ZKSCAN2: variants seen among roughly 807,000 people sequenced by gnomAD.
The protein encoded by ZKSCAN2 is zinc finger with KRAB and SCAN domains 2.
A neutral mutation model predicts 90.5 loss-of-function variants in ZKSCAN2; 38 were observed. The ratio of observed to expected loss-of-function variants is 0.42; its 90% confidence interval spans 0.32 to 0.55. ZKSCAN2 has a LOEUF of 0.55. Ranked by LOEUF, ZKSCAN2 falls within the 20% of genes least tolerant of loss-of-function variation. The pLI is 0.11. For synonymous variants in ZKSCAN2, 429 were observed against 421.6 expected (o/e 1.02, Z -0.22); for missense variants, 1,167 against 1,202.6 (o/e 0.97, Z 0.44).
chr16:25,253,094 T>TTTTTTAA, intron 2 of ZKSCAN2, 57 bp from the exon 3 acceptor site: 1 of 1,328,696 alleles, frequency 7.5e-7, no homozygotes, highest in Non-Finnish European at 1.1e-6. Context: ...TAATTCATGC[T>TTTTTTAA]GTCTCTCTTT....
In ZKSCAN2 at chr16:25,251,720, TTA is replaced by T. The variant is rs150941459; in HGVS notation, c.805+187_805+188del. On this transcript the variant is annotated intron_variant, in intron 4 of 6. Transcript: ENST00000328086. ...CCTCTCCAATGTTTTAATCACTAAATTATTATTATTATTTTTTTACTGGAAGG... is the reference window on the plus strand; with the variant it reads ...CCTCTCCAATGTTTTAATCACTAAATTTATTATTATTTTTTTACTGGAAGG... Among the ~76,000 whole-genome samples the T allele has an allele frequency of 9.0e-3, 1,366 of 152,266 alleles. 20 individuals are homozygous for T. Among genetic ancestry groups the T allele is most frequent in the African/African-American group, 0.032 (1,318 of 41,558 alleles).
At chr16:25,255,182 C>T (rs117714662) in intron 2 of ZKSCAN2, 24 bp downstream of exon 2, 21,380 of 1,583,504 alleles carry the variant, frequency 0.014, 213 homozygotes, top group Non-Finnish European at 0.016. Flanking sequence ...CTGCACTAGG[C>T]GTGCTCCGAG....
chr16:25,255,468 T>A, intron 1 of ZKSCAN2, 76 bp from the exon 2 acceptor site: 1 of 1,453,378 alleles, frequency 6.9e-7, no homozygotes, highest in African/African-American at 1.4e-5. Flanking sequence ...AGGAAAGACA[T>A]CAAAGAAGGA....
chr16:25,244,811 G>C (rs1962909776), intron 5 of ZKSCAN2, among the ~76,000 whole-genome samples: 1 of 152,164 alleles, frequency 6.6e-6, no homozygotes, highest in African/African-American at 2.4e-5. Flanking sequence ...GGATGTCATT[G>C]AATCCTCTAC....
At position 25,238,583 on chromosome 16, in the gene ZKSCAN2, C is replaced by T. The variant is rs542721556; in HGVS notation, c.*1233G>A. On this transcript the variant is annotated 3_prime_UTR_variant, in exon 7 of 7. Coordinates refer to ENST00000328086, the MANE Select transcript of ZKSCAN2 (RefSeq NM_001012981.5). ...ATTGAAGTTTTTATAAATGTTCCCACTTTTCACCCAGTGAGCTCTAGAGTT... is the reference window on the plus strand; with the variant it reads ...ATTGAAGTTTTTATAAATGTTCCCATTTTTCACCCAGTGAGCTCTAGAGTT... 6.6e-6 allele frequency: 1 copy of T among 152,188 alleles called. No individual in the cohort carries two copies. The highest frequency in any genetic ancestry group is 1.9e-4 in the East Asian group (1 of 5,204). 9.4% of individuals were successfully genotyped at this position (152,188 alleles called of 1,614,324 possible). A position where few individuals can be genotyped will look rare whatever the true frequency, so the allele number is the denominator to read the frequency against.
chr16:25,252,183 G>C, intron 3 of ZKSCAN2, 148 bp from the exon 4 acceptor site: 1 of 832,040 alleles, frequency 1.2e-6, no homozygotes, highest in South Asian at 1.9e-5. Flanking sequence ...AGAAGAGAAA[G>C]AATCATAAGA....
chr16:25,249,093 T>C (rs992697501), intron 4 of ZKSCAN2, among the ~76,000 whole-genome samples: 3 of 151,908 alleles, frequency 2.0e-5, no homozygotes, highest in Non-Finnish European at 4.4e-5. Flanking sequence ...GTCCAACTCA[T>C]AGAAGTAGAG....
Position 25,256,892 on chromosome 16 carries a change from C to T in ZKSCAN2, c.236G>A (p.Arg79His). The T allele has an allele frequency of 3.1e-6, 5 of 1,614,184 alleles. No individual in the cohort carries two copies. Among genetic ancestry groups the T allele is most frequent in the Non-Finnish European group, 4.2e-6 (5 of 1,180,034 alleles). The change falls in exon 1 of 7, where the codon CGT (arginine) becomes CAT (histidine). Residue 79 changes from arginine to histidine, a missense_variant. Arg to His is a conservative substitution (Grantham distance 29, BLOSUM62 0). Transcript: ENST00000328086. ...LCCRWLKPEM[R>H]SKEQILELLV... ...CAGCTCAAGTATTTGCTCCTTGGAA[C>T]GCATTTCTGGCTTCAGCCACCGGCA... is the stretch of plus-strand genomic sequence containing the variant.
At chr16:25,241,385 GT>G (rs1217191505) in intron 6 of ZKSCAN2, among the ~76,000 whole-genome samples, 14 of 151,920 alleles carry the variant, frequency 9.2e-5, no homozygotes, top group Non-Finnish European at 1.5e-4. Context: ...ACAGAGACAA[GT>G]TTTGGAATTA....
At chr16:25,251,733 T>A (rs1476184519) in intron 4 of ZKSCAN2, among the ~76,000 whole-genome samples, 176 bp downstream of exon 4, 1 of 152,132 alleles carries the variant, frequency 6.6e-6, no homozygotes, top group Non-Finnish European at 1.5e-5. Flanking sequence ...TTATTATTAT[T>A]TTTTTACTGG....
chr16:25,250,234 A>C (rs1256080963), intron 4 of ZKSCAN2, among the ~76,000 whole-genome samples: 1 of 152,088 alleles, frequency 6.6e-6, no homozygotes, highest in African/African-American at 2.4e-5. Flanking sequence ...GCTTGAACCC[A>C]GGAGGCAGAG....
chr16:25,237,755 C>T lies in ZKSCAN2; in HGVS notation c.*2061G>A, dbSNP rs1395291233. Reference sequence around the variant, plus strand: ...CAGTGCTTCATATTTATGAATAAGTCATCTACTTTCCTGAATCATGCTTCC... The same window carrying T: ...CAGTGCTTCATATTTATGAATAAGTTATCTACTTTCCTGAATCATGCTTCC... On this transcript the variant is annotated 3_prime_UTR_variant, in exon 7 of 7. Coordinates refer to ENST00000328086, the MANE Select transcript of ZKSCAN2 (RefSeq NM_001012981.5). The T allele has an allele frequency of 6.6e-6, 1 of 152,206 alleles. No individual in the cohort carries two copies. The highest frequency in any genetic ancestry group is 2.4e-5 in the African/African-American group (1 of 41,434). The allele number at this position is 152,206 out of a possible 1,614,324, so 9.4% of individuals were successfully genotyped here.
chr16:25,240,563 T>A lies in ZKSCAN2; in HGVS notation c.2157A>T (p.Gly719=), dbSNP rs758949390. Residue 719 remains glycine, a synonymous_variant, in exon 7 of 7, where the codon GGA becomes GGT. Coordinates refer to ENST00000328086, the MANE Select transcript of ZKSCAN2 (RefSeq NM_001012981.5). ...ISGRQWENLQ[G]IRQGKPMSQP... ...GAGACATCGGCTTTCCCTGTCTAAT[T>A]CCTTGAAGATTTTCCCATTGTCTTC... 2 of 1,614,214 alleles carry A rather than the reference T, an allele frequency of 1.2e-6. No individual in the cohort carries two copies. The highest frequency in any genetic ancestry group is 4.5e-5 in the East Asian group (2 of 44,880).
chr16:25,254,264 C>A (rs1963062409), intron 2 of ZKSCAN2, among the ~76,000 whole-genome samples: 1 of 152,220 alleles, frequency 6.6e-6, no homozygotes, highest in Non-Finnish European at 1.5e-5. Flanking sequence ...GTGATGTTTC[C>A]ATTCCTCTCT....
chr16:25,246,802 T>G lies in ZKSCAN2; in HGVS notation c.1394A>C (p.Glu465Ala). The change falls in exon 5 of 7, where the codon GAA becomes GCA. Residue 465 changes from glutamate to alanine, a missense_variant. Physicochemically the swap from Glu to Ala is moderately radical, Grantham distance 107 (BLOSUM62 -1). Transcript: ENST00000328086. ...ATCATCATCAGAATCTTCTGCAGCT[T>G]CCTCCTCCTCCACCAAGCTGATGTG... is the stretch of plus-strand genomic sequence containing the variant. ...KEHISLVEEE[E>A]AAEDSDDDEI... The G allele has an allele frequency of 1.2e-6, 2 of 1,614,152 alleles. No homozygotes were observed. The highest frequency in any genetic ancestry group is 1.7e-6 in the Non-Finnish European group (2 of 1,180,002).
At chr16:25,242,925 C>A (rs943528630) in intron 6 of ZKSCAN2, among the ~76,000 whole-genome samples, 37 of 152,224 alleles carry the variant, frequency 2.4e-4, no homozygotes, top group African/African-American at 8.9e-4. Context: ...TGGATGAGGG[C>A]GGGAGCCCAC....
At chr16:25,247,463 A>G (rs1036690935) in intron 4 of ZKSCAN2, 73 bp from the exon 5 acceptor site, 7 of 1,354,404 alleles carry the variant, frequency 5.2e-6, no homozygotes, top group Non-Finnish European at 7.1e-6. Context: ...CTGCTGTCAC[A>G]TGCTCTCCTG....
rs755185597 is a variant in ZKSCAN2 at position 25,240,215 on chromosome 16, C to G, written c.2505G>C (p.Glu835Asp). Residue 835 changes from glutamate to aspartate, a missense_variant, in exon 7 of 7, where the codon GAG (glutamate) becomes GAC (aspartate). Transcript: ENST00000328086. The stretch of plus-strand genomic sequence containing the variant: ...AGCTCTGACTAAAGCATTTTCCACA[C>G]TCTCCGCATCTGTAGGGTTTCTCTC... ...HTGEKPYRCG[E>D]CGKCFSQSSS... 1.9e-6 allele frequency: 3 copies of G among 1,614,208 alleles called. No homozygotes were observed. The highest frequency in any genetic ancestry group is 2.5e-6 in the Non-Finnish European group (3 of 1,180,040).
intron 1 of ZKSCAN2, 76 bp from the exon 2 acceptor site, chr16:25,255,468 T>C: frequency 6.9e-7 from 1 of 1,453,378 alleles, no homozygotes; most frequent in Non-Finnish European, 9.2e-7. Context: ...AGGAAAGACA[T>C]CAAAGAAGGA....
Sources: allele counts gnomAD v4.1 joint callset (sites outside exome capture counted in the v4.1 genomes callset), GRCh38; gene constraint gnomAD v4.1.1; transcripts MANE v1.5; gene names NCBI Gene and HGNC (gene_info 2026-07-23, HGNC 2026-07-21).